PPIL4: variants seen among roughly 807,000 people sequenced by gnomAD.
PPIL4 encodes peptidyl-prolyl cis-trans isomerase-like 4.
In PPIL4, 50 loss-of-function variants were observed where a neutral mutation model predicts 69.1. The ratio of observed to expected loss-of-function variants is 0.72; its 90% confidence interval spans 0.58 to 0.92. The LOEUF (loss-of-function observed/expected upper bound fraction) is 0.92. PPIL4 is among the 40% of genes least tolerant of loss of function. The probability of loss-of-function intolerance (pLI) is 0.00; values close to 1 mark genes in which losing one functional copy is unlikely to be tolerated. For missense variants in PPIL4, 480 were observed against 587.9 expected (o/e 0.82, Z 1.90); for synonymous variants, 193 against 191.6 (o/e 1.01, Z -0.06).
At position 149,514,061 on chromosome 6, in the gene PPIL4, C is replaced by A. The variant is rs370457266; in HGVS notation, c.1080-1759G>T. On this transcript the variant is annotated intron_variant, in intron 11 of 12. Transcript: ENST00000253329. ...TCGTGTCTGCTTCACAAAGCCACAA[C>A]TCAACACTTTCCACAGGAATGTCTC... Among the ~76,000 whole-genome samples the A allele has an allele frequency of 8.5e-5, 13 of 152,322 alleles. No homozygotes were observed. The East Asian group carries it at 9.7e-4, about 11-fold the overall frequency.
chr6:149,514,381 G>A lies in PPIL4; in HGVS notation c.1080-2079C>T, dbSNP rs142088768. ...CTGTTGCCCAGGCTGGAGTGCAGTG[G>A]CCTGATCTTGGCTCCCTGCAACCAC... On this transcript the variant is annotated intron_variant, in intron 11 of 12. Transcript: ENST00000253329. Among the ~76,000 whole-genome samples the A allele has an allele frequency of 3.1e-3, 467 of 152,284 alleles. 3 individuals carry two copies. The highest frequency in any genetic ancestry group is 0.011 in the African/African-American group (452 of 41,560).
chr6:149,514,475 C>T (rs1451649179), intron 11 of PPIL4, among the ~76,000 whole-genome samples: 2 of 152,114 alleles, frequency 1.3e-5, no homozygotes, highest in African/African-American at 4.8e-5. Flanking sequence ...GTGCACACCA[C>T]CACACCCAGC....
chr6:149,540,111 A>G (rs868150017), intron 4 of PPIL4, among the ~76,000 whole-genome samples: 1 of 152,082 alleles, frequency 6.6e-6, no homozygotes. Flanking sequence ...CCTGGCTGAC[A>G]GAGCAAGACT....
In PPIL4 at chr6:149,533,540, T is replaced by C. The variant is rs879095687; in HGVS notation, c.596A>G (p.Asp199Gly). The change falls in exon 7 of 13, where the codon GAT becomes GGT. Residue 199 changes from aspartate to glycine, a missense_variant. Coordinates refer to ENST00000253329, the MANE Select transcript of PPIL4 (RefSeq NM_139126.4). ...TTCCTCAGCTGATCTTCCTTTGAAA[T>C]CATCAATTTCTTCATCTGCTCCTAT... The part of the protein sequence containing the change: ...GRIGADEEID[D>G]FKGRSAEEVE... 5 of 1,612,152 alleles carry C rather than the reference T, an allele frequency of 3.1e-6. 1 individual carries two copies. Among genetic ancestry groups the C allele is most frequent in the Admixed American group, 3.3e-5 (2 of 60,004 alleles).
chr6:149,505,542 C>A lies in PPIL4; in HGVS notation c.1390G>T (p.Asp464Tyr), dbSNP rs1437107360. ...SNSHKSKYQTDLYERERSKKR... is the reference protein window; with the variant it reads ...SNSHKSKYQTYLYERERSKKR... ...TTACTCCTTTCTCTTTCATAAAGATCTGTTTGGTATTTTGATTTATGACTA... is the reference window on the plus strand; with the variant it reads ...TTACTCCTTTCTCTTTCATAAAGATATGTTTGGTATTTTGATTTATGACTA... Residue 464 changes from aspartate to tyrosine, a missense_variant, in exon 13 of 13, where the codon GAT becomes TAT. Transcript: ENST00000253329. 1 of 1,613,968 alleles carries A rather than the reference C, an allele frequency of 6.2e-7. No individual in the cohort carries two copies. Among genetic ancestry groups the A allele is most frequent in the Non-Finnish European group, 8.5e-7 (1 of 1,179,930 alleles).
chr6:149,537,518 T>C (rs1436884334), intron 4 of PPIL4, among the ~76,000 whole-genome samples: 1 of 151,698 alleles, frequency 6.6e-6, no homozygotes, highest in African/African-American at 2.4e-5. Context: ...CCATCCTGGC[T>C]AACACGGTGA....
intron 10 of PPIL4, among the ~76,000 whole-genome samples, chr6:149,520,583 A>C (rs200078802): frequency 3.5e-3 from 308 of 87,900 alleles, no homozygotes; most frequent in African/African-American, 0.014. Context: ...ATGTGTGTGC[A>C]CACACACACA....
chr6:149,530,110 C>CAACACAAAGCTTGAATTCT (rs1407568273), intron 7 of PPIL4, among the ~76,000 whole-genome samples: 1 of 152,008 alleles, frequency 6.6e-6, no homozygotes, highest in African/African-American at 2.4e-5. Flanking sequence ...ACCGAATGTA[C>CAACACAAAGCTTGAATTCT]AACACAAAGC....
chr6:149,545,037 C>A (rs1777418246), intron 1 of PPIL4, among the ~76,000 whole-genome samples: 1 of 152,128 alleles, frequency 6.6e-6, no homozygotes. Flanking sequence ...TTAAAGTCTT[C>A]AAGGACTCTG....
intron 8 of PPIL4, among the ~76,000 whole-genome samples, chr6:149,525,796 C>A (rs901336126): frequency 6.6e-6 from 1 of 152,128 alleles, no homozygotes; most frequent in Non-Finnish European, 1.5e-5. Context: ...TCATAAGTCT[C>A]ATTTTAAAAA....
intron 9 of PPIL4, among the ~76,000 whole-genome samples, chr6:149,521,389 T>C (rs369559568): frequency 2.0e-5 from 3 of 152,194 alleles, no homozygotes; most frequent in African/African-American, 7.2e-5. Flanking sequence ...AACAGAAGTT[T>C]AGAGAAGTAT....
chr6:149,542,651 T>TA (rs35089225), intron 1 of PPIL4, among the ~76,000 whole-genome samples: 29,792 of 152,082 alleles, frequency 0.2, 4,440 homozygotes, highest in East Asian at 0.78. Flanking sequence ...TTTAAAATGG[T>TA]AAAAAAAGTA....
Position 149,545,618 on chromosome 6 carries a change from A to C in PPIL4, c.70+318T>G, listed in dbSNP as rs143484734. On this transcript the variant is annotated intron_variant, in intron 1 of 12. Coordinates refer to ENST00000253329, the MANE Select transcript of PPIL4 (RefSeq NM_139126.4). ...TAAACACAATAAAGGCACAAAAGCT[A>C]TGGGTATTGTATGTGCAGCTCGAAT... 5.5e-3 allele frequency among the ~76,000 whole-genome samples: 841 copies of C among 152,284 alleles called. 7 individuals are homozygous for C. Among genetic ancestry groups the C allele is most frequent in the African/African-American group, 0.019 (799 of 41,550 alleles).
chr6:149,543,977 G>A (rs1435741510), intron 1 of PPIL4, among the ~76,000 whole-genome samples: 2 of 152,182 alleles, frequency 1.3e-5, no homozygotes, highest in African/African-American at 4.8e-5. Flanking sequence ...ATTGATAAGT[G>A]AGTATAAATA....
At chr6:149,512,412 A>T in intron 11 of PPIL4, 110 bp from the exon 12 acceptor site, 1 of 721,288 alleles carries the variant, frequency 1.4e-6, no homozygotes, top group Non-Finnish European at 2.3e-6. Context: ...TAAAGCAAAA[A>T]GCATCTCAAA....
intron 9 of PPIL4, 137 bp from the exon 10 acceptor site, chr6:149,521,308 G>T: frequency 1.6e-6 from 1 of 616,484 alleles, no homozygotes; most frequent in Non-Finnish European, 2.8e-6. Context: ...GCTGTTAAAT[G>T]CTTTGTATCT....
intron 7 of PPIL4, among the ~76,000 whole-genome samples, chr6:149,529,535 C>T (rs1235138254): frequency 2.0e-5 from 3 of 151,432 alleles, no homozygotes; most frequent in Admixed American, 6.6e-5. Context: ...GGCTGAGGCG[C>T]GCAGATCACG....
chr6:149,508,069 C>A (rs1776792364), intron 12 of PPIL4, among the ~76,000 whole-genome samples: 1 of 152,188 alleles, frequency 6.6e-6, no homozygotes, highest in Non-Finnish European at 1.5e-5. Flanking sequence ...CAAGTACATG[C>A]TAACACAGTG....
At chr6:149,514,580 C>T (rs527651827) in intron 11 of PPIL4, among the ~76,000 whole-genome samples, 1 of 152,050 alleles carries the variant, frequency 6.6e-6, no homozygotes, top group Non-Finnish European at 1.5e-5. Flanking sequence ...CCTCAGTCTC[C>T]CAAAGTGCTG....
Sources: allele counts gnomAD v4.1 joint callset (sites outside exome capture counted in the v4.1 genomes callset), GRCh38; gene constraint gnomAD v4.1.1; transcripts MANE v1.5; gene names NCBI Gene and HGNC (gene_info 2026-07-23, HGNC 2026-07-21).